PID1: variants seen among roughly 807,000 people sequenced by gnomAD.
PID1 encodes phosphotyrosine interaction domain containing 1, also known as PTB-containing, cubilin and LRP1-interacting protein.
In PID1, 10 loss-of-function variants were observed where a neutral mutation model predicts 19.1. That is an observed-to-expected ratio of 0.52 (90% CI 0.32 to 0.89). The LOEUF is 0.89. Ranked by LOEUF, PID1 falls within the 40% of genes least tolerant of loss-of-function variation. The probability of loss-of-function intolerance (pLI) is 0.03; values close to 1 mark genes in which losing one functional copy is unlikely to be tolerated. For missense variants in PID1, 248 were observed against 285.3 expected, an observed-to-expected ratio of 0.87 and a Z score of 0.94; for synonymous variants, 130 against 116.0, an observed-to-expected ratio of 1.12 and a Z score of -0.78.
intron 1 of PID1, among the ~76,000 whole-genome samples, chr2:229,202,856 T>C (rs1024471763): frequency 6.6e-6 from 1 of 152,132 alleles, no homozygotes; most frequent in Non-Finnish European, 1.5e-5. Flanking sequence ...AACAGATATA[T>C]GGTTACCATT....
At chr2:229,120,992 G>T (rs1695506845) in intron 2 of PID1, among the ~76,000 whole-genome samples, 1 of 152,136 alleles carries the variant, frequency 6.6e-6, no homozygotes, top group African/African-American at 2.4e-5. Context: ...TTCACCAGAA[G>T]CCAAACAGGT....
chr2:229,065,011 T>C (rs1003571001), intron 2 of PID1, among the ~76,000 whole-genome samples: 2 of 152,104 alleles, frequency 1.3e-5, no homozygotes, highest in Non-Finnish European at 2.9e-5. Context: ...TGAGGCAGGC[T>C]CAAGAGAGTG....
At chr2:229,136,915 G>C (rs1305157762) in intron 2 of PID1, among the ~76,000 whole-genome samples, 1 of 152,126 alleles carries the variant, frequency 6.6e-6, no homozygotes, top group Non-Finnish European at 1.5e-5. Flanking sequence ...TGGTAAACAT[G>C]TTTCTCTTGG....
At chr2:229,204,100 A>G (rs1437946237) in intron 1 of PID1, among the ~76,000 whole-genome samples, 1 of 152,110 alleles carries the variant, frequency 6.6e-6, no homozygotes, top group Non-Finnish European at 1.5e-5. Flanking sequence ...AAGAACCCTG[A>G]TCAATACACA....
chr2:229,031,847 C>CT (rs1276902485), intron 2 of PID1, among the ~76,000 whole-genome samples: 6 of 152,206 alleles, frequency 3.9e-5, no homozygotes, highest in Non-Finnish European at 8.8e-5. Flanking sequence ...TACTTACTGC[C>CT]TGTCCACATA....
intron 1 of PID1, among the ~76,000 whole-genome samples, chr2:229,230,775 GA>G (rs981965063): frequency 6.6e-6 from 1 of 151,866 alleles, no homozygotes; most frequent in African/African-American, 2.4e-5. Flanking sequence ...TTTCCAAAGG[GA>G]CATATTTTAT....
At chr2:229,171,377 C>A (rs988681857) in intron 1 of PID1, among the ~76,000 whole-genome samples, 1 of 152,122 alleles carries the variant, frequency 6.6e-6, no homozygotes, top group African/African-American at 2.4e-5. Flanking sequence ...TGTCGCAAAG[C>A]CATCTATGGA....
chr2:229,182,785 TA>T (rs1160532455), intron 1 of PID1, among the ~76,000 whole-genome samples: 2 of 152,244 alleles, frequency 1.3e-5, no homozygotes, highest in African/African-American at 2.4e-5. Flanking sequence ...GTTGTGGATC[TA>T]TGCCCAGGTC....
chr2:229,204,595 G>C (rs17254653), intron 1 of PID1, among the ~76,000 whole-genome samples: 5,937 of 152,144 alleles, frequency 0.039, 135 homozygotes, highest in Middle Eastern at 0.12. Flanking sequence ...AGAGAATCAT[G>C]AGGGCAATTT....
intron 2 of PID1, among the ~76,000 whole-genome samples, chr2:229,128,155 C>T (rs924923947): frequency 6.6e-6 from 1 of 152,102 alleles, no homozygotes; most frequent in African/African-American, 2.4e-5. Flanking sequence ...GTACCAGAGT[C>T]CCCCAAACTT....
chr2:229,194,937 C>G (rs533896091), intron 1 of PID1, among the ~76,000 whole-genome samples: 3,987 of 151,462 alleles, frequency 0.026, 81 homozygotes, highest in Middle Eastern at 0.068. Flanking sequence ...AAAAAAATTA[C>G]TGTAAGCAAA....
intron 1 of PID1, among the ~76,000 whole-genome samples, chr2:229,253,956 G>A (rs916902537): frequency 1.6e-4 from 25 of 152,238 alleles, no homozygotes; most frequent in African/African-American, 5.8e-4. Context: ...TCAGAAAGGA[G>A]AGGGATAGAG....
At chr2:229,267,233 A>G (rs563880021) in intron 1 of PID1, among the ~76,000 whole-genome samples, 2 of 152,314 alleles carry the variant, frequency 1.3e-5, no homozygotes. Context: ...CCTACTCTTC[A>G]CTGTGTTTCT....
chr2:229,246,715 C>T (rs1163263258), intron 1 of PID1, among the ~76,000 whole-genome samples: 1 of 152,178 alleles, frequency 6.6e-6, no homozygotes, highest in African/African-American at 2.4e-5. Context: ...TGCCTCCAAT[C>T]CTTCAACTGA....
intron 1 of PID1, chr2:229,262,987 A>G: frequency 8.2e-7 from 1 of 1,226,974 alleles, no homozygotes; most frequent in South Asian, 2.2e-5. Flanking sequence ...CTTATTTCCA[A>G]ATAAAGCTAC....
intron 1 of PID1, among the ~76,000 whole-genome samples, chr2:229,260,230 G>A (rs1574765781): frequency 6.6e-6 from 1 of 151,884 alleles, no homozygotes; most frequent in Non-Finnish European, 1.5e-5. Flanking sequence ...GGCACCAGTA[G>A]GTCAGGATAG....
At chr2:229,171,659 C>T (rs1690714023) in intron 1 of PID1, among the ~76,000 whole-genome samples, 2 of 152,162 alleles carry the variant, frequency 1.3e-5, no homozygotes, top group African/African-American at 4.8e-5. Context: ...ATCCTCACTA[C>T]CTACGAAATG....
chr2:229,136,330 C>T (rs1196314929), intron 2 of PID1, among the ~76,000 whole-genome samples: 1 of 152,102 alleles, frequency 6.6e-6, no homozygotes, highest in Admixed American at 6.6e-5. Context: ...TTGACCACAA[C>T]CTCAGGAGAG....
chr2:229,194,548 C>T (rs1464275200), intron 1 of PID1, among the ~76,000 whole-genome samples: 2 of 151,942 alleles, frequency 1.3e-5, no homozygotes, highest in African/African-American at 4.8e-5. Context: ...TAAGATTACA[C>T]TAAATACAAA....
Sources: allele counts gnomAD v4.1 joint callset (sites outside exome capture counted in the v4.1 genomes callset), GRCh38; gene constraint gnomAD v4.1.1; transcripts MANE v1.5; gene names NCBI Gene and HGNC (gene_info 2026-07-23, HGNC 2026-07-21).